Variants in NEURL1 observed in about 807,000 individuals in gnomAD.
NEURL1 encodes E3 ubiquitin-protein ligase NEURL1.
Under a neutral mutation model 41.2 loss-of-function variants are expected in NEURL1, and 26 were observed. The observed-to-expected ratio is 0.63, with a 90% CI of 0.46 to 0.87. The LOEUF is 0.87. Among genes scored for constraint, NEURL1 ranks in the 40% least tolerant of loss-of-function variants. The pLI is 0.00. For missense variants in NEURL1, 761 were observed against 871.1 expected, an observed-to-expected ratio of 0.87 and a Z score of 1.59; for synonymous variants, 400 against 402.3, an observed-to-expected ratio of 0.99 and a Z score of 0.07.
chr10:103,584,947 C>G lies in NEURL1; in HGVS notation c.1061C>G (p.Ser354Trp). 1.3e-6 allele frequency: 2 copies of G among 1,502,754 alleles called. No individual in the cohort carries two copies. Among genetic ancestry groups the G allele is most frequent in the East Asian group, 2.7e-5 (1 of 37,142 alleles). 93.1% of individuals were successfully genotyped at this position (1,502,754 alleles called of 1,614,324 possible). ...RSGGARPGAL[S>W]FGVTTCDPGT... ...GGTGGCGCGCGGCCCGGCGCGCTGT[C>G]GTTCGGCGTCACCACGTGCGACCCC... Residue 354 changes from serine to tryptophan, a missense_variant, in exon 4 of 6, where the codon TCG (serine) becomes TGG (tryptophan). Around this residue, in one of 5 missense-constraint regions of NEURL1, gnomAD observed 443 missense variants for 408.1 expected, o/e 1.09. Coordinates refer to ENST00000369780, the MANE Select transcript of NEURL1 (RefSeq NM_004210.5).
intron 1 of NEURL1, among the ~76,000 whole-genome samples, chr10:103,546,498 G>A (rs542649311): frequency 2.6e-4 from 39 of 152,304 alleles, no homozygotes; most frequent in African/African-American, 9.1e-4. Flanking sequence ...ATTCTGAGAG[G>A]CCACGTGGCA....
At chr10:103,518,228 T>C (rs2034261279) in intron 1 of NEURL1, among the ~76,000 whole-genome samples, 1 of 145,174 alleles carries the variant, frequency 6.9e-6, no homozygotes, top group Non-Finnish European at 1.5e-5. Flanking sequence ...TGAGGTACCA[T>C]GATTTAAAAA....
At chr10:103,581,505 C>G (rs1383669274) in intron 3 of NEURL1, among the ~76,000 whole-genome samples, 1 of 152,116 alleles carries the variant, frequency 6.6e-6, no homozygotes, top group Non-Finnish European at 1.5e-5. Flanking sequence ...AGAAGTTCAG[C>G]TATTTGTCCA....
At position 103,584,775 on chromosome 10, in the gene NEURL1, C is replaced by G. The variant is rs1212544972; in HGVS notation, c.889C>G (p.His297Asp). Reference protein sequence around the residue: ...PAQLDGDLRFHALRAGAHVRI... With the variant: ...PAQLDGDLRFDALRAGAHVRI... Reference sequence around the variant, plus strand: ...GCAGCTCGACGGCGACCTGCGTTTCCACGCCCTGCGCGCCGGCGCGCACGT... The same window carrying G: ...GCAGCTCGACGGCGACCTGCGTTTCGACGCCCTGCGCGCCGGCGCGCACGT... The change falls in exon 4 of 6, where the codon CAC becomes GAC. Residue 297 changes from histidine to aspartate, a missense_variant. Coordinates refer to ENST00000369780, the MANE Select transcript of NEURL1 (RefSeq NM_004210.5). The G allele has an allele frequency of 6.9e-7, 1 of 1,446,532 alleles. No homozygotes were observed. Among genetic ancestry groups the G allele is most frequent in the African/African-American group, 1.5e-5 (1 of 67,218 alleles). The allele number at this position is 1,446,532 out of a possible 1,614,324, so 89.6% of individuals were successfully genotyped here.
chr10:103,498,450 T>C (rs989996602), intron 1 of NEURL1, among the ~76,000 whole-genome samples: 2 of 152,030 alleles, frequency 1.3e-5, no homozygotes, highest in Non-Finnish European at 1.5e-5. Flanking sequence ...ATGGTCTCGA[T>C]CTCCTGACCT....
chr10:103,556,298 A>G lies in NEURL1; in HGVS notation c.86-14574A>G, dbSNP rs1293654364. Among the ~76,000 whole-genome samples the G allele has an allele frequency of 1.3e-5, 2 of 152,116 alleles. No individual in the cohort carries two copies. The highest frequency in any genetic ancestry group is 4.8e-5 in the African/African-American group (2 of 41,416). On this transcript the variant is annotated intron_variant, in intron 1 of 5. Coordinates refer to ENST00000369780, the MANE Select transcript of NEURL1 (RefSeq NM_004210.5). This position sits in a 1 kb window ranked among gnomAD's most constrained non-coding sequence, Gnocchi z 4.4. ...GCAGCAGACCCGGAGAAGCCTTCCT[A>G]GGGACTTGTGTGTCTTCCCTGGGCC...
chr10:103,527,831 ATCTTC>A (rs1268613126), intron 1 of NEURL1, among the ~76,000 whole-genome samples: 1 of 152,154 alleles, frequency 6.6e-6, no homozygotes, highest in Non-Finnish European at 1.5e-5. Flanking sequence ...ATGAATATCT[ATCTTC>A]TCTAACTTCT....
At chr10:103,498,472 C>T (rs866431164) in intron 1 of NEURL1, among the ~76,000 whole-genome samples, 7 of 152,302 alleles carry the variant, frequency 4.6e-5, no homozygotes, top group East Asian at 1.9e-4. Context: ...GTGATCCGCC[C>T]GCCTCGGCCT....
In NEURL1 at chr10:103,530,405, T is replaced by A. The variant is rs1309220599; in HGVS notation, c.85+35933T>A. ...ATTTTTATATGTTTCAAGACATTTT[T>A]AAATTTTCTTCTTAATTTCTGTATT... is the stretch of plus-strand genomic sequence containing the variant. On this transcript the variant is annotated intron_variant, in intron 1 of 5. Transcript: ENST00000369780. Among the ~76,000 whole-genome samples the A allele has an allele frequency of 3.9e-5, 6 of 152,190 alleles. No homozygotes were observed. The East Asian group carries it at 1.2e-3, about 29-fold the overall frequency.
chr10:103,523,819 C>A lies in NEURL1; in HGVS notation c.85+29347C>A, dbSNP rs539760617. ...AATAGTATTCCATTGTGTATATATACCACATTGTCTTTATCCATTTACTTG... is the reference window on the plus strand; with the variant it reads ...AATAGTATTCCATTGTGTATATATAACACATTGTCTTTATCCATTTACTTG... On this transcript the variant is annotated intron_variant, in intron 1 of 5. Coordinates refer to ENST00000369780, the MANE Select transcript of NEURL1 (RefSeq NM_004210.5). 2.0e-5 allele frequency among the ~76,000 whole-genome samples: 3 copies of A among 152,242 alleles called. No homozygotes were observed. The East Asian group carries it at 5.8e-4, about 29-fold the overall frequency.
At chr10:103,522,759 T>A (rs1343684604) in intron 1 of NEURL1, among the ~76,000 whole-genome samples, 1 of 152,130 alleles carries the variant, frequency 6.6e-6, no homozygotes, top group Non-Finnish European at 1.5e-5. Flanking sequence ...CATTTACTAG[T>A]TGGTGTCTTG....
chr10:103,534,688 A>G (rs2034653839), intron 1 of NEURL1, among the ~76,000 whole-genome samples: 1 of 152,142 alleles, frequency 6.6e-6, no homozygotes, highest in Admixed American at 6.5e-5. Context: ...CTCTCTTGGT[A>G]TCAAGTCTGA....
At chr10:103,530,080 T>C (rs1217152298) in intron 1 of NEURL1, among the ~76,000 whole-genome samples, 1 of 152,214 alleles carries the variant, frequency 6.6e-6, no homozygotes, top group Non-Finnish European at 1.5e-5. Context: ...TTTGGGTCTT[T>C]TATCTTTTTT....
At chr10:103,522,231 T>C (rs974743591) in intron 1 of NEURL1, among the ~76,000 whole-genome samples, 5 of 152,280 alleles carry the variant, frequency 3.3e-5, no homozygotes, top group African/African-American at 9.6e-5. Context: ...TCACAGGGGA[T>C]ATGATGGCTT....
chr10:103,585,135 G>A lies in NEURL1; in HGVS notation c.1249G>A (p.Ala417Thr), dbSNP rs1239332772. The A allele has an allele frequency of 1.9e-6, 3 of 1,590,994 alleles. No individual in the cohort carries two copies. Among genetic ancestry groups the A allele is most frequent in the South Asian group, 1.1e-5 (1 of 89,336 alleles). ...GCTGCACCTCAGCCACAATGGCGCG[G>A]CCGCCGGCATGCAGCTGTGCGTGGA... ...GELHLSHNGA[A>T]AGMQLCVDAS... Residue 417 changes from alanine (A) to threonine (T), a missense_variant, in exon 4 of 6, where the codon GCC becomes ACC. By Grantham distance (58) the Ala-to-Thr change is moderately conservative. This residue lies in a region of NEURL1 where 443 missense variants were observed against 408.1 expected (regional missense o/e 1.09). Transcript: ENST00000369780.
intron 1 of NEURL1, among the ~76,000 whole-genome samples, chr10:103,509,351 G>A (rs2034020237): frequency 2.0e-5 from 3 of 152,270 alleles, no homozygotes; most frequent in Middle Eastern, 3.4e-3. Flanking sequence ...ACAGCACAGA[G>A]TGCACTTACA....
At chr10:103,520,301 A>G (rs1321478607) in intron 1 of NEURL1, among the ~76,000 whole-genome samples, 2 of 152,172 alleles carry the variant, frequency 1.3e-5, no homozygotes, top group Non-Finnish European at 2.9e-5. Context: ...CTGAGTCTGA[A>G]AAGAGAGTCA....
At chr10:103,518,025 C>T (rs1416702063) in intron 1 of NEURL1, among the ~76,000 whole-genome samples, 1 of 152,220 alleles carries the variant, frequency 6.6e-6, no homozygotes, top group African/African-American at 2.4e-5. Context: ...GGTAACTTTG[C>T]ATGCCCTGAT....
Position 103,494,352 on chromosome 10 carries a change from C to T in NEURL1, c.-36C>T, listed in dbSNP as rs762051309. ...CTCAGCGCCTGCCCGGCCTCGCCCC[C>T]ACCCGCGAGCGCCGAACCTCCTGGG... On this transcript the variant is annotated 5_prime_UTR_variant, in exon 1 of 6. Transcript: ENST00000369780. 2 of 1,536,162 alleles carry T rather than the reference C, an allele frequency of 1.3e-6. No homozygotes were observed. Among genetic ancestry groups the T allele is most frequent in the South Asian group, 1.2e-5 (1 of 84,436 alleles).
Sources: allele counts gnomAD v4.1 joint callset (sites outside exome capture counted in the v4.1 genomes callset), GRCh38; gene constraint gnomAD v4.1.1; regional missense constraint gnomAD v4.1.1; non-coding constraint Gnocchi (gnomAD v3.1); transcripts MANE v1.5; gene names NCBI Gene and HGNC (gene_info 2026-07-23, HGNC 2026-07-21).